TMEM233: variants seen among roughly 807,000 people sequenced by gnomAD.
The protein encoded by TMEM233 is transmembrane protein 233, also known as dispanin subfamily B member 2.
In TMEM233, 6 loss-of-function variants were observed where a neutral mutation model predicts 11.2. That is an observed-to-expected ratio of 0.54 (90% confidence interval 0.29 to 1.06). TMEM233 has a LOEUF of 1.06. Among genes scored for constraint, TMEM233 ranks in the 50% least tolerant of loss-of-function variants. TMEM233 has a pLI of 0.08. For synonymous variants in TMEM233, 59 were observed against 55.8 expected (o/e 1.06, Z -0.26); for missense variants, 127 against 144.7 (o/e 0.88, Z 0.63).
intron 1 of TMEM233, among the ~76,000 whole-genome samples, chr12:119,607,931 C>G (rs556646526): frequency 3.9e-5 from 6 of 152,284 alleles, no homozygotes; most frequent in Admixed American, 2.0e-4. Context: ...GATTCTTGCT[C>G]TAAATCATAT....
At chr12:119,643,984 T>C (rs1483830251), downstream of TMEM233, among the ~76,000 whole-genome samples, 16 of 152,114 alleles carry the variant, frequency 1.1e-4, no homozygotes, top group Non-Finnish European at 2.9e-5. Flanking sequence ...TTTAGTTTAA[T>C]AGGGACAATA....
At chr12:119,621,792 T>G (rs1019782885) in intron 1 of TMEM233, among the ~76,000 whole-genome samples, 1 of 152,126 alleles carries the variant, frequency 6.6e-6, no homozygotes, top group Non-Finnish European at 1.5e-5. Flanking sequence ...GCCAAAACAT[T>G]TAGAGAAGAA....
Position 119,641,004 on chromosome 12 carries a change from A to T in TMEM233, c.*299A>T. On this transcript the variant is annotated 3_prime_UTR_variant, in exon 3 of 3. Transcript: ENST00000426426. Reference sequence around the variant, plus strand: ...CAGTTTAGCGAATCCCGTTGTGTCCACTCCTGTCCTCCAGAGGCGAGCCTC... The same window carrying T: ...CAGTTTAGCGAATCCCGTTGTGTCCTCTCCTGTCCTCCAGAGGCGAGCCTC... 2.7e-6 allele frequency: 1 copy of T among 364,688 alleles called. No homozygotes were observed. Among genetic ancestry groups the T allele is most frequent in the Non-Finnish European group, 4.9e-6 (1 of 202,066 alleles). The allele number at this position is 364,688 out of a possible 1,614,324, so 22.6% of individuals were successfully genotyped here.
intron 1 of TMEM233, among the ~76,000 whole-genome samples, chr12:119,607,945 A>G (rs1954317184): frequency 6.6e-6 from 1 of 152,180 alleles, no homozygotes; most frequent in South Asian, 2.1e-4. Context: ...ATCATATATC[A>G]TTCCAGACCT....
Position 119,593,948 on chromosome 12 carries a change from C to T in TMEM233, c.100C>T (p.Pro34Ser). 1 of 1,551,726 alleles carries T rather than the reference C, an allele frequency of 6.4e-7. No individual in the cohort carries two copies. The highest frequency in any genetic ancestry group is 8.7e-7 in the Non-Finnish European group (1 of 1,146,986). The stretch of plus-strand genomic sequence containing the variant: ...CAAGACCGAGGAGGACGTGCCCATG[C>T]CCAAGAACTACCTGTGGCTCACCAT... Reference protein sequence around the residue: ...DDKTEEDVPMPKNYLWLTIVS... With the variant: ...DDKTEEDVPMSKNYLWLTIVS... Residue 34 changes from proline to serine, a missense_variant, in exon 1 of 3, where the codon CCC becomes TCC. Physicochemically the swap from Pro to Ser is moderately conservative, Grantham distance 74 (BLOSUM62 -1). Coordinates refer to ENST00000426426, the MANE Select transcript of TMEM233 (RefSeq NM_001136534.3). The surrounding 1 kb of genome is among the most constrained non-coding windows in gnomAD (Gnocchi z 4.1).
chr12:119,596,615 C>A (rs1954054042), intron 1 of TMEM233, among the ~76,000 whole-genome samples: 1 of 151,422 alleles, frequency 6.6e-6, no homozygotes, highest in Non-Finnish European at 1.5e-5. Context: ...CCCCAGCCAC[C>A]CCAACCAGCT....
At chr12:119,638,930 C>T (rs61939384) in intron 2 of TMEM233, among the ~76,000 whole-genome samples, 9,664 of 152,068 alleles carry the variant, frequency 0.064, 414 homozygotes, top group Middle Eastern at 0.13. Context: ...ACAAGCCCTG[C>T]ATGATCTGGC....
In TMEM233 at chr12:119,634,003, C is replaced by T. The variant is rs765712532; in HGVS notation, c.323+4131C>T. On this transcript the variant is annotated intron_variant, in intron 2 of 2. Coordinates refer to ENST00000426426, the MANE Select transcript of TMEM233 (RefSeq NM_001136534.3). ...AACCTGAGGATTCAGATGCAGGTGG[C>T]GGGCAGAAGGGTCTTTGCCAAACCT... 1.4e-4 allele frequency among the ~76,000 whole-genome samples: 21 copies of T among 152,320 alleles called. No individual in the cohort carries two copies. The South Asian group carries it at 1.9e-3, about 14-fold the overall frequency.
At position 119,640,962 on chromosome 12, in the gene TMEM233, A is replaced by C; in HGVS notation, c.*257A>C. 2.3e-5 allele frequency: 11 copies of C among 468,480 alleles called. No individual in the cohort carries two copies. Among genetic ancestry groups the C allele is most frequent in the East Asian group, 6.7e-5 (2 of 29,908 alleles). 29.0% of individuals were successfully genotyped at this position (468,480 alleles called of 1,614,324 possible). A position where few individuals can be genotyped will look rare whatever the true frequency, so the allele number is the denominator to read the frequency against. ...TGAAAAGAAAACAGAAAAAAGAAAA[A>C]TGAAGTCTCACTGTCTCAGTTTAGC... On this transcript the variant is annotated 3_prime_UTR_variant, in exon 3 of 3. Transcript: ENST00000426426.
the TMEM233 span, among the ~76,000 whole-genome samples, chr12:119,651,825 C>CAAAAA: frequency 1.0e-4 from 8 of 79,400 alleles, no homozygotes; most frequent in African/African-American, 1.6e-4. Context: ...GACTCCGTCT[C>CAAAAA]AAAAAAAAAA....
chr12:119,625,283 TG>T, intron 1 of TMEM233, among the ~76,000 whole-genome samples: 1 of 152,292 alleles, frequency 6.6e-6, no homozygotes, highest in East Asian at 1.9e-4. Flanking sequence ...ACTGAAGTGC[TG>T]TGATTTCAGA....
downstream of TMEM233, among the ~76,000 whole-genome samples, chr12:119,644,241 A>G (rs1053760924): frequency 6.6e-5 from 10 of 152,166 alleles, no homozygotes; most frequent in Non-Finnish European, 1.2e-4. Context: ...TCAGGATTCA[A>G]TCACTGGAAC....
the TMEM233 span, among the ~76,000 whole-genome samples, chr12:119,651,341 T>A: frequency 6.6e-6 from 1 of 152,218 alleles, no homozygotes; most frequent in African/African-American, 2.4e-5. Flanking sequence ...TCCTCATCAA[T>A]GTCCTGAGAG....
At chr12:119,611,523 CT>C in intron 1 of TMEM233, among the ~76,000 whole-genome samples, 1 of 139,614 alleles carries the variant, frequency 7.2e-6, no homozygotes, top group South Asian at 2.4e-4. Context: ...GGTTGTTTGT[CT>C]TTTTATTGTT....
At chr12:119,632,781 T>G (rs983981542) in intron 2 of TMEM233, among the ~76,000 whole-genome samples, 1 of 152,178 alleles carries the variant, frequency 6.6e-6, no homozygotes, top group Non-Finnish European at 1.5e-5. Context: ...TGACAACCAA[T>G]TCACATTACT....
chr12:119,606,035 A>G (rs76335954), intron 1 of TMEM233, among the ~76,000 whole-genome samples: 99 of 152,332 alleles, frequency 6.5e-4, no homozygotes, highest in African/African-American at 2.2e-3. Context: ...GCCCAGCACG[A>G]CTTTTAGGTG....
intron 1 of TMEM233, among the ~76,000 whole-genome samples, chr12:119,615,178 A>AAAAAAAAAAAAAAAAC (rs1215395677): frequency 2.2e-4 from 1 of 4,632 alleles, no homozygotes; most frequent in African/African-American, 6.2e-4. Flanking sequence ...TCTGCTAAAA[A>AAAAAAAAAAAAAAAAC]AAAAAAAAAA....
intron 1 of TMEM233, among the ~76,000 whole-genome samples, chr12:119,598,931 G>T (rs1054219732): frequency 7.9e-5 from 12 of 152,290 alleles, no homozygotes; most frequent in African/African-American, 2.9e-4. Flanking sequence ...TGTTGATGAT[G>T]GTGATGTAGA....
intron 1 of TMEM233, among the ~76,000 whole-genome samples, chr12:119,596,663 T>C (rs896985793): frequency 6.6e-6 from 1 of 151,814 alleles, no homozygotes; most frequent in Admixed American, 6.6e-5. Flanking sequence ...CGACTAATTT[T>C]TGTATTTTTA....
Sources: allele counts gnomAD v4.1 joint callset (sites outside exome capture counted in the v4.1 genomes callset), GRCh38; gene constraint gnomAD v4.1.1; non-coding constraint Gnocchi (gnomAD v3.1); transcripts MANE v1.5; gene names NCBI Gene and HGNC (gene_info 2026-07-23, HGNC 2026-07-21).